Variants in MGAT4C observed in about 807,000 individuals in gnomAD.
MGAT4C encodes alpha-1,3-mannosyl-glycoprotein 4-beta-N-acetylglucosaminyltransferase C.
In MGAT4C, 19 loss-of-function variants were observed where a neutral mutation model predicts 40.1. That is an observed-to-expected ratio of 0.47 (90% confidence interval 0.33 to 0.70). MGAT4C has a LOEUF of 0.70. MGAT4C is among the 30% of genes least tolerant of loss of function. MGAT4C has a pLI of 0.02. For missense variants in MGAT4C, 491 were observed against 563.2 expected (o/e 0.87, Z 1.30); for synonymous variants, 181 against 187.1 (o/e 0.97, Z 0.27).
At chr12:86,423,987 G>A (rs1405594682) in intron 3 of MGAT4C, among the ~76,000 whole-genome samples, 1 of 152,168 alleles carries the variant, frequency 6.6e-6, no homozygotes, top group African/African-American at 2.4e-5. Context: ...AGAAATATCT[G>A]CAAAACTAAG....
intron 2 of MGAT4C, among the ~76,000 whole-genome samples, chr12:86,714,606 C>T (rs565636986): frequency 6.6e-6 from 1 of 152,110 alleles, no homozygotes; most frequent in African/African-American, 2.4e-5. Flanking sequence ...CCATGTAAGA[C>T]ATACCTTTCG....
At chr12:86,275,986 G>C (rs1177059800) in intron 4 of MGAT4C, among the ~76,000 whole-genome samples, 4 of 149,402 alleles carry the variant, frequency 2.7e-5, no homozygotes, top group Non-Finnish European at 5.9e-5. Context: ...AGCCGGGCGT[G>C]GTGTTGGCCG....
intron 1 of MGAT4C, among the ~76,000 whole-genome samples, chr12:86,232,083 C>T (rs758752356): frequency 6.1e-5 from 9 of 147,786 alleles, no homozygotes; most frequent in Non-Finnish European, 1.3e-4. Context: ...CCGAGTGAGC[C>T]GAGGTAGCGC....
chr12:86,376,521 T>G (rs1417055758), intron 3 of MGAT4C, among the ~76,000 whole-genome samples: 2 of 152,122 alleles, frequency 1.3e-5, no homozygotes, highest in African/African-American at 4.8e-5. Context: ...GAACAATATA[T>G]TAGAATCCCA....
At chr12:86,667,711 T>A (rs375181720) in intron 2 of MGAT4C, among the ~76,000 whole-genome samples, 1 of 152,232 alleles carries the variant, frequency 6.6e-6, no homozygotes, top group African/African-American at 2.4e-5. Flanking sequence ...AAAATTTGAA[T>A]TTTTGCATGA....
intron 2 of MGAT4C, among the ~76,000 whole-genome samples, chr12:86,511,906 A>G (rs1322124168): frequency 6.6e-6 from 1 of 152,178 alleles, no homozygotes; most frequent in African/African-American, 2.4e-5. Flanking sequence ...GGCTACATCA[A>G]ACTAAAAATC....
intron 2 of MGAT4C, among the ~76,000 whole-genome samples, chr12:86,589,111 G>C (rs10858452): frequency 0.85 from 128,479 of 151,070 alleles, 55,167 homozygotes; most frequent in East Asian, 0.96. Context: ...AATGAATCCA[G>C]GAGCTGGTTT....
chr12:86,091,376 C>G (rs1325144156), intron 1 of MGAT4C, among the ~76,000 whole-genome samples: 1 of 151,972 alleles, frequency 6.6e-6, no homozygotes, highest in African/African-American at 2.4e-5. Flanking sequence ...TTAACATTAC[C>G]ATGAGAATAC....
chr12:86,259,018 A>T (rs1306512762), upstream of MGAT4C, among the ~76,000 whole-genome samples: 4 of 152,054 alleles, frequency 2.6e-5, no homozygotes, highest in Non-Finnish European at 5.9e-5. Context: ...ACACTCAGGA[A>T]CATTCAGATA....
chr12:86,316,576 G>A (rs987918031), intron 4 of MGAT4C, among the ~76,000 whole-genome samples: 1 of 152,150 alleles, frequency 6.6e-6, no homozygotes, highest in African/African-American at 2.4e-5. Context: ...CAACATAGAT[G>A]CAGCTGAAGG....
chr12:86,183,785 G>T (rs1027185723), intron 1 of MGAT4C, among the ~76,000 whole-genome samples: 1 of 152,006 alleles, frequency 6.6e-6, no homozygotes, highest in South Asian at 2.1e-4. Context: ...TCTCTCTCTC[G>T]TTCTTCTTAT....
chr12:86,707,396 A>G (rs1950477321), intron 2 of MGAT4C, among the ~76,000 whole-genome samples: 1 of 152,278 alleles, frequency 6.6e-6, no homozygotes, highest in South Asian at 2.1e-4. Context: ...CTTGTTGGGA[A>G]CTGGAGCAAA....
At chr12:86,304,385 A>G (rs1953885063) in intron 4 of MGAT4C, among the ~76,000 whole-genome samples, 1 of 150,560 alleles carries the variant, frequency 6.6e-6, no homozygotes, top group Non-Finnish European at 1.5e-5. Context: ...TACATACTCT[A>G]CTTTCTATCT....
At chr12:86,786,200 A>AT (rs1951928346) in intron 1 of MGAT4C, among the ~76,000 whole-genome samples, 1 of 152,114 alleles carries the variant, frequency 6.6e-6, no homozygotes, top group African/African-American at 2.4e-5. Flanking sequence ...CAAAAATGCA[A>AT]TGTCGTAGAT....
At chr12:86,341,974 C>A (rs149762147) in intron 3 of MGAT4C, among the ~76,000 whole-genome samples, 22 of 152,134 alleles carry the variant, frequency 1.4e-4, no homozygotes, top group African/African-American at 5.1e-4. Flanking sequence ...CTGAAGTGGA[C>A]CCCCAGCGCA....
At chr12:86,780,535 C>T (rs878875344) in intron 1 of MGAT4C, among the ~76,000 whole-genome samples, 1 of 152,158 alleles carries the variant, frequency 6.6e-6, no homozygotes, top group Non-Finnish European at 1.5e-5. Flanking sequence ...TTCCCCTTTG[C>T]TCTCTTTCTC....
At chr12:86,702,452 C>T (rs1399626202) in intron 2 of MGAT4C, among the ~76,000 whole-genome samples, 1 of 152,162 alleles carries the variant, frequency 6.6e-6, no homozygotes, top group Non-Finnish European at 1.5e-5. Flanking sequence ...CTTCAAAGGA[C>T]AGGCTGGGCT....
chr12:86,173,976 C>T (rs1887123981), intron 1 of MGAT4C, among the ~76,000 whole-genome samples: 1 of 151,620 alleles, frequency 6.6e-6, no homozygotes, highest in African/African-American at 2.4e-5. Flanking sequence ...ATTCTGTGTC[C>T]AGCTAATGCA....
intron 1 of MGAT4C, among the ~76,000 whole-genome samples, chr12:86,067,389 G>C (rs1894648255): frequency 6.6e-6 from 1 of 152,150 alleles, no homozygotes; most frequent in Admixed American, 6.6e-5. Context: ...TAAAAAGGAT[G>C]AGTTCATTTT....
Sources: allele counts gnomAD v4.1 joint callset (sites outside exome capture counted in the v4.1 genomes callset), GRCh38; gene constraint gnomAD v4.1.1; transcripts MANE v1.5; gene names NCBI Gene and HGNC (gene_info 2026-07-23, HGNC 2026-07-21).